The following CRYBG1 variants were observed in gnomAD, a reference collection of about 807,000 sequenced individuals.
The protein encoded by CRYBG1 is beta/gamma crystallin domain-containing protein 1.
In CRYBG1, 139 loss-of-function variants were observed where a neutral mutation model predicts 189.2. The observed-to-expected ratio is 0.73, with a 90% CI of 0.64 to 0.85. The LOEUF is 0.85. Ranked by LOEUF, CRYBG1 falls within the 40% of genes least tolerant of loss-of-function variation. CRYBG1 has a pLI of 0.00. For synonymous variants in CRYBG1, 1,023 were observed against 1,017.1 expected (o/e 1.01, Z -0.11); for missense variants, 2,611 against 2,675.8 (o/e 0.98, Z 0.53).
intron 1 of CRYBG1, among the ~76,000 whole-genome samples, chr6:106,392,230 A>G (rs1235492470): frequency 1.3e-5 from 2 of 152,106 alleles, no homozygotes; most frequent in Non-Finnish European, 2.9e-5. Flanking sequence ...TGTTCAATAT[A>G]TAAATTGCCC....
rs1192728075 is a variant in CRYBG1, at chr6:106,527,314, G to A, written c.4422G>A (p.Leu1474=). 6.8e-6 allele frequency: 11 copies of A among 1,610,724 alleles called. No homozygotes were observed. The highest frequency in any genetic ancestry group is 1.3e-5 in the African/African-American group (1 of 74,742). Residue 1474 remains leucine, a synonymous_variant, in exon 7 of 22, where the codon TTG becomes TTA. Coordinates refer to ENST00000633556, the MANE Select transcript of CRYBG1 (RefSeq NM_001371242.2). ...TGTGTTTTATTGTTAGTTGGATTTT[G>A]TATGAGCAACCAAATTTTGAAGGGC... The part of the protein sequence containing the change: ...LIKVVRGCWI[L]YEQPNFEGHS...
At chr6:106,372,628 G>T (rs149891338) in intron 1 of CRYBG1, among the ~76,000 whole-genome samples, 4 of 152,170 alleles carry the variant, frequency 2.6e-5, no homozygotes, top group Admixed American at 6.5e-5. Flanking sequence ...GTTTGAGCAC[G>T]TTCACTGAGA....
chr6:106,530,443 AT>A, intron 8 of CRYBG1, 128 bp downstream of exon 8: 1 of 857,904 alleles, frequency 1.2e-6, no homozygotes, highest in Non-Finnish European at 1.7e-6. Context: ...TGTAAGGTAT[AT>A]TTTTATAAGG....
intron 1 of CRYBG1, among the ~76,000 whole-genome samples, chr6:106,414,369 T>A (rs576851062): frequency 1.3e-5 from 2 of 152,380 alleles, no homozygotes; most frequent in East Asian, 3.9e-4. Context: ...GAGGAAGCCT[T>A]GTCTACTGCT....
At chr6:106,560,777 C>A in intron 18 of CRYBG1, 26 bp from the exon 19 acceptor site, 2 of 1,591,096 alleles carry the variant, frequency 1.3e-6, no homozygotes, top group Non-Finnish European at 1.7e-6. Context: ...AAAATTGCCA[C>A]TTACTGTGGT....
At chr6:106,459,468 T>C (rs1387535076) in intron 2 of CRYBG1, among the ~76,000 whole-genome samples, 2 of 151,458 alleles carry the variant, frequency 1.3e-5, no homozygotes, top group Non-Finnish European at 2.9e-5. Flanking sequence ...CCCTGAGAGG[T>C]AACTATTTTG....
intron 3 of CRYBG1, among the ~76,000 whole-genome samples, chr6:106,514,638 G>C (rs1773377889): frequency 6.6e-6 from 1 of 152,196 alleles, no homozygotes; most frequent in African/African-American, 2.4e-5. Context: ...GAGAAACATT[G>C]CTGTGTACCT....
chr6:106,538,663 C>T (rs1296880732), intron 8 of CRYBG1, among the ~76,000 whole-genome samples: 5 of 152,022 alleles, frequency 3.3e-5, no homozygotes, highest in African/African-American at 4.8e-5. Context: ...GAGGCCAAGG[C>T]GGGCGGATCA....
At chr6:106,510,499 C>T (rs907041378) in intron 2 of CRYBG1, among the ~76,000 whole-genome samples, 1 of 152,352 alleles carries the variant, frequency 6.6e-6, no homozygotes, top group East Asian at 1.9e-4. Flanking sequence ...TTCCTGGGAG[C>T]GCTGCGGATC....
chr6:106,363,238 C>T (rs1283862906), intron 1 of CRYBG1, among the ~76,000 whole-genome samples: 1 of 70,930 alleles, frequency 1.4e-5, no homozygotes, highest in Non-Finnish European at 2.5e-5. Flanking sequence ...AGCGAAACTC[C>T]GTCTCAAAAA....
intron 1 of CRYBG1, among the ~76,000 whole-genome samples, chr6:106,447,185 C>T (rs1488530986): frequency 3.3e-5 from 5 of 152,100 alleles, no homozygotes; most frequent in Non-Finnish European, 5.9e-5. Flanking sequence ...AGGTTATTGT[C>T]GTTAATAAAT....
chr6:106,525,750 C>T (rs1456115533), intron 6 of CRYBG1, among the ~76,000 whole-genome samples: 1 of 151,658 alleles, frequency 6.6e-6, no homozygotes, highest in Non-Finnish European at 1.5e-5. Context: ...GTTGATAGGC[C>T]AGATACGACT....
In CRYBG1 at chr6:106,561,487, G is replaced by A. The variant is rs759370689; in HGVS notation, c.6125G>A (p.Cys2042Tyr). 1.1e-5 allele frequency: 17 copies of A among 1,612,530 alleles called. No homozygotes were observed. Among genetic ancestry groups the A allele is most frequent in the Non-Finnish European group, 1.4e-5 (16 of 1,179,058 alleles). The change falls in exon 20 of 22, where the codon TGT becomes TAT. Residue 2042 changes from cysteine to tyrosine, a missense_variant. By Grantham distance (194) the Cys-to-Tyr change is radical. Around this residue, in one of 3 missense-constraint regions of CRYBG1, gnomAD observed 1,622 missense variants for 1,735.0 expected, o/e 0.93. Coordinates refer to ENST00000633556, the MANE Select transcript of CRYBG1 (RefSeq NM_001371242.2). ...CAGATTTGGATCTATCAAGAAGGAT[G>A]TATCAAATGCAGGGTGAGCTTTAGG... ...DDQIWIYQEG[C>Y]IKCRIAEDCC...
In CRYBG1 at chr6:106,512,656, G is replaced by A; in HGVS notation, c.1539G>A (p.Thr513=). 2 of 1,581,046 alleles carry A rather than the reference G, an allele frequency of 1.3e-6. No individual in the cohort carries two copies. Among genetic ancestry groups the A allele is most frequent in the Non-Finnish European group, 1.7e-6 (2 of 1,164,532 alleles). Residue 513 remains threonine, a synonymous_variant, in exon 3 of 22, where the codon ACG becomes ACA. Transcript: ENST00000633556. ...AGCCACCCCCGGCTTCGTCCCCCAC[G>A]AAGAGGAAGGGCAGGAGCCGTGCCC... is the stretch of plus-strand genomic sequence containing the variant. ...SKQPPPASSP[T]KRKGRSRALE... is the part of the protein sequence containing the mutation.
At chr6:106,480,447 G>A (rs776973144) in intron 2 of CRYBG1, among the ~76,000 whole-genome samples, 1 of 150,602 alleles carries the variant, frequency 6.6e-6, no homozygotes. Context: ...GGCAGATCAC[G>A]ACGTCAGGAG....
Position 106,558,588 on chromosome 6 carries a change from A to C in CRYBG1, c.5818A>C (p.Asn1940His), listed in dbSNP as rs1774617921. 2 of 1,613,926 alleles carry C rather than the reference A, an allele frequency of 1.2e-6. No homozygotes were observed. Among genetic ancestry groups the C allele is most frequent in the Non-Finnish European group, 1.7e-6 (2 of 1,179,914 alleles). ...TGTCAATCTCCGATCCCTGGGATTC[A>C]ACACACAAATACGCTCTGTTCAGGT... ...ETVNLRSLGF[N>H]TQIRSVQVIG... is the part of the protein sequence containing the mutation. The change falls in exon 18 of 22, where the codon AAC (asparagine) becomes CAC (histidine). Residue 1940 changes from asparagine to histidine, a missense_variant. Coordinates refer to ENST00000633556, the MANE Select transcript of CRYBG1 (RefSeq NM_001371242.2).
At position 106,539,441 on chromosome 6, in the gene CRYBG1, C is replaced by T; in HGVS notation, c.4757C>T (p.Pro1586Leu). 2 of 1,613,860 alleles carry T rather than the reference C, an allele frequency of 1.2e-6. No homozygotes were observed. The highest frequency in any genetic ancestry group is 1.7e-6 in the Non-Finnish European group (2 of 1,179,864). Reference protein sequence around the residue: ...IYEEPGFQGVPFILEPGEYPD... With the variant: ...IYEEPGFQGVLFILEPGEYPD... ...GAAGAACCTGGATTTCAGGGTGTTCCTTTCATCCTGGAACCTGGTGAATAC... is the reference window on the plus strand; with the variant it reads ...GAAGAACCTGGATTTCAGGGTGTTCTTTTCATCCTGGAACCTGGTGAATAC... The change falls in exon 9 of 22, where the codon CCT becomes CTT. Residue 1586 changes from proline to leucine, a missense_variant. Coordinates refer to ENST00000633556, the MANE Select transcript of CRYBG1 (RefSeq NM_001371242.2).
At chr6:106,362,542 C>T (rs1374774511) in intron 1 of CRYBG1, among the ~76,000 whole-genome samples, 1 of 152,158 alleles carries the variant, frequency 6.6e-6, no homozygotes. Flanking sequence ...CAGGCAGGGG[C>T]TGCACTGTGC....
At chr6:106,401,179 C>T (rs1013029910) in intron 1 of CRYBG1, among the ~76,000 whole-genome samples, 4 of 152,130 alleles carry the variant, frequency 2.6e-5, no homozygotes, top group East Asian at 1.9e-4. Flanking sequence ...TCCTCTTACC[C>T]GTTTTCAACC....
Sources: allele counts gnomAD v4.1 joint callset (sites outside exome capture counted in the v4.1 genomes callset), GRCh38; gene constraint gnomAD v4.1.1; regional missense constraint gnomAD v4.1.1; transcripts MANE v1.5; gene names NCBI Gene and HGNC (gene_info 2026-07-23, HGNC 2026-07-21).